Variants in SLC45A2 observed in about 807,000 individuals in gnomAD.
The protein encoded by SLC45A2 is solute carrier family 45 member 2, also known as membrane-associated transporter protein.
Under a neutral mutation model 45.5 loss-of-function variants are expected in SLC45A2, and 36 were observed. The ratio of observed to expected loss-of-function variants is 0.79; its 90% CI spans 0.61 to 1.04. SLC45A2 has a LOEUF of 1.04. Among genes scored for constraint, SLC45A2 ranks in the 50% least tolerant of loss-of-function variants. The pLI, the probability that SLC45A2 is intolerant of heterozygous loss-of-function variation, is 0.00. For synonymous variants in SLC45A2, 306 were observed against 269.3 expected (o/e 1.14, Z -1.33); for missense variants, 719 against 671.0 (o/e 1.07, Z -0.79).
At chr5:33,972,281 C>T (rs552280364) in intron 2 of SLC45A2, 42 of 470,818 alleles carry the variant, frequency 8.9e-5, no homozygotes, top group Middle Eastern at 4.1e-4. Context: ...TGATACTCTG[C>T]GCAGAGTTAA....
chr5:33,980,511 T>A (rs1290881070), intron 2 of SLC45A2, among the ~76,000 whole-genome samples: 1 of 152,204 alleles, frequency 6.6e-6, no homozygotes, highest in Non-Finnish European at 1.5e-5. Context: ...AGGATCGAGA[T>A]AATGTAAGAG....
At chr5:33,958,932 G>A (rs1372017966) in intron 3 of SLC45A2, among the ~76,000 whole-genome samples, 2 of 152,190 alleles carry the variant, frequency 1.3e-5, no homozygotes, top group South Asian at 4.1e-4. Flanking sequence ...GGACATCAAA[G>A]AGGTAGATAA....
intron 6 of SLC45A2, 140 bp downstream of exon 6, chr5:33,947,023 T>G: frequency 6.3e-7 from 1 of 1,598,200 alleles, no homozygotes; most frequent in Non-Finnish European, 8.5e-7. Flanking sequence ...AGATCATGGT[T>G]GCAGTTGGTT....
intron 2 of SLC45A2, among the ~76,000 whole-genome samples, chr5:33,967,422 T>C (rs1050628794): frequency 8.5e-5 from 13 of 152,226 alleles, no homozygotes; most frequent in African/African-American, 3.1e-4. Flanking sequence ...GTTCTGATTC[T>C]GAAGGTCTAA....
At chr5:33,969,203 C>A (rs1752708578) in intron 2 of SLC45A2, among the ~76,000 whole-genome samples, 1 of 151,706 alleles carries the variant, frequency 6.6e-6, no homozygotes, top group Non-Finnish European at 1.5e-5. Context: ...ACAGACATGA[C>A]CTCTGCCCTC....
chr5:33,954,439 G>A lies in SLC45A2; in HGVS notation c.954C>T (p.Arg318=). Reference sequence around the variant, plus strand: ...CAATGAGGTGGCTGATGCAAAGGTAGCGGTAGTGAGGAGGCATGTTCACCA... The same window carrying A: ...CAATGAGGTGGCTGATGCAAAGGTAACGGTAGTGAGGAGGCATGTTCACCA... ...RALVNMPPHY[R]YLCISHLIGW... is the part of the protein sequence containing the mutation. Residue 318 remains arginine (R), a synonymous_variant, in exon 4 of 7, where the codon CGC becomes CGT. Transcript: ENST00000296589. 6.2e-7 allele frequency: 1 copy of A among 1,614,106 alleles called. No individual in the cohort carries two copies. Among genetic ancestry groups the A allele is most frequent in the Non-Finnish European group, 8.5e-7 (1 of 1,180,008 alleles).
intron 3 of SLC45A2, among the ~76,000 whole-genome samples, chr5:33,960,845 G>A (rs1392861665): frequency 6.6e-6 from 1 of 152,196 alleles, no homozygotes; most frequent in African/African-American, 2.4e-5. Context: ...TATTGAAGCA[G>A]TGTTAATTTC....
At chr5:33,947,027 G>C in intron 6 of SLC45A2, 136 bp downstream of exon 6, 1 of 1,600,920 alleles carries the variant, frequency 6.2e-7, no homozygotes. Flanking sequence ...CATGGTTGCA[G>C]TTGGTTGGGC....
rs1003786407 is a variant in SLC45A2, at chr5:33,947,226, G to T, written c.1305C>A (p.Ser435=). ...TAAAGGGCACAGTGTACAGGGTGCTGGACATTACACCAAACAGGCTGCACA... is the reference window on the plus strand; with the variant it reads ...TAAAGGGCACAGTGTACAGGGTGCTTGACATTACACCAAACAGGCTGCACA... ...LVLCSLFGVM[S]STLYTVPFNL... The change falls in exon 6 of 7, where the codon TCC becomes TCA. Residue 435 remains serine, a synonymous_variant. Coordinates refer to ENST00000296589, the MANE Select transcript of SLC45A2 (RefSeq NM_016180.5). 2 of 1,614,198 alleles carry T rather than the reference G, an allele frequency of 1.2e-6. No individual in the cohort carries two copies. The highest frequency in any genetic ancestry group is 3.3e-4 in the Middle Eastern group (2 of 6,062).
In SLC45A2 at chr5:33,971,527, C is replaced by G. The variant is rs1752776277; in HGVS notation, c.563-7511G>C. On this transcript the variant is annotated intron_variant, in intron 2 of 6. Transcript: ENST00000296589. ...GGTCTTGGCTCACTGCAACCTCCAT[C>G]TCCCAGGCTCAGGTGATCCTTCCAC... The G allele has an allele frequency of 1.1e-5, 3 of 262,998 alleles. No homozygotes were observed. The Admixed American group carries it at 1.5e-4, about 13-fold the overall frequency. The allele number at this position is 262,998 out of a possible 1,614,324, so 16.3% of individuals were successfully genotyped here. A position where few individuals can be genotyped will look rare whatever the true frequency, so the allele number is the denominator to read the frequency against.
chr5:33,969,370 AG>A (rs1219983795), intron 2 of SLC45A2, among the ~76,000 whole-genome samples: 2 of 152,098 alleles, frequency 1.3e-5, no homozygotes, highest in Non-Finnish European at 2.9e-5. Context: ...ATATTTCTTT[AG>A]GTTTACAAAG....
chr5:33,981,867 G>A (rs974463322), intron 2 of SLC45A2, among the ~76,000 whole-genome samples: 5 of 152,204 alleles, frequency 3.3e-5, no homozygotes, highest in African/African-American at 1.2e-4. Context: ...AACTGGAGAA[G>A]GAGCCCAGGC....
At chr5:33,951,497 A>G (rs763579083) in intron 5 of SLC45A2, 57 bp downstream of exon 5, 1 of 1,612,794 alleles carries the variant, frequency 6.2e-7, no homozygotes. Context: ...TATCAAATCC[A>G]AGTTGTGCTA....
chr5:33,963,525 T>C (rs1752509332), intron 3 of SLC45A2, 166 bp downstream of exon 3: 3 of 740,616 alleles, frequency 4.1e-6, no homozygotes, highest in South Asian at 1.8e-5. Context: ...CTTTGAGATA[T>C]AAAATTTTAA....
chr5:33,964,118 C>T (rs1579548333), intron 2 of SLC45A2, 102 bp from the exon 3 acceptor site: 1 of 1,142,310 alleles, frequency 8.8e-7, no homozygotes, highest in East Asian at 2.6e-5. Flanking sequence ...CTGAAGACAG[C>T]AGAGGCAACC....
chr5:33,977,038 T>C (rs1461010078), intron 2 of SLC45A2, among the ~76,000 whole-genome samples: 1 of 152,196 alleles, frequency 6.6e-6, no homozygotes, highest in Non-Finnish European at 1.5e-5. Flanking sequence ...TAAGGTTAAA[T>C]GAGACTGTAA....
intron 6 of SLC45A2, chr5:33,946,285 A>G: frequency 1.0e-6 from 1 of 985,296 alleles, no homozygotes; most frequent in Non-Finnish European, 1.2e-6. Context: ...AAAGGTTTTT[A>G]CTCCTGGTGC....
intron 3 of SLC45A2, among the ~76,000 whole-genome samples, chr5:33,955,212 A>G (rs1434165925): frequency 1.3e-5 from 2 of 152,074 alleles, no homozygotes; most frequent in Non-Finnish European, 2.9e-5. Context: ...GCTGAGAGCA[A>G]CTCCAGGCCA....
chr5:33,974,270 C>T lies in SLC45A2; in HGVS notation c.562+7966G>A, dbSNP rs141885389. On this transcript the variant is annotated intron_variant, in intron 2 of 6. Coordinates refer to ENST00000296589, the MANE Select transcript of SLC45A2 (RefSeq NM_016180.5). ...CAGGGATGGAGGAGGATAGAGTTGC[C>T]TTTAAATATGAAAGATAGAAGCTAG... is the stretch of plus-strand genomic sequence containing the variant. 9.9e-4 allele frequency among the ~76,000 whole-genome samples: 151 copies of T among 152,176 alleles called. 1 individual carries two copies. In the East Asian group the frequency reaches 0.027, roughly 27 times the overall value.
Sources: allele counts gnomAD v4.1 joint callset (sites outside exome capture counted in the v4.1 genomes callset), GRCh38; gene constraint gnomAD v4.1.1; transcripts MANE v1.5; gene names NCBI Gene and HGNC (gene_info 2026-07-23, HGNC 2026-07-21).